The following GRM5 variants were observed in gnomAD, a reference collection of about 807,000 sequenced individuals.
GRM5 encodes glutamate metabotropic receptor 5.
Under a neutral mutation model 83.1 loss-of-function variants are expected in GRM5, and 19 were observed. The ratio of observed to expected loss-of-function variants is 0.23; its 90% CI spans 0.16 to 0.34. The LOEUF (loss-of-function observed/expected upper bound fraction) is 0.34, where lower values mean the gene tolerates loss of function less well. Among genes scored for constraint, GRM5 ranks in the 10% least tolerant of loss-of-function variants. The pLI is 1.00. For synonymous variants in GRM5, 675 were observed against 633.6 expected, an observed-to-expected ratio of 1.07 and a Z score of -0.98; for missense variants, 1,160 against 1,588.3, an observed-to-expected ratio of 0.73 and a Z score of 4.58.
At chr11:88,625,406 T>C (rs1938765171) in intron 4 of GRM5, among the ~76,000 whole-genome samples, 2 of 152,158 alleles carry the variant, frequency 1.3e-5, no homozygotes, top group Non-Finnish European at 2.9e-5. Flanking sequence ...TATCCTGGAA[T>C]CTAGCCAAAT....
intron 3 of GRM5, among the ~76,000 whole-genome samples, chr11:88,840,625 A>G (rs543824981): frequency 5.5e-4 from 83 of 152,288 alleles, no homozygotes; most frequent in Non-Finnish European, 8.4e-4. Flanking sequence ...TTTTTCCATA[A>G]CAACAATTGT....
chr11:89,061,195 T>C (rs1380705753), intron 1 of GRM5, among the ~76,000 whole-genome samples: 1 of 152,174 alleles, frequency 6.6e-6, no homozygotes, highest in East Asian at 1.9e-4. Context: ...CATGTACGTA[T>C]ACATAATACA....
At chr11:88,880,365 T>A (rs1393566652) in intron 2 of GRM5, among the ~76,000 whole-genome samples, 1 of 152,134 alleles carries the variant, frequency 6.6e-6, no homozygotes, top group East Asian at 1.9e-4. Flanking sequence ...GAGTAAAAAC[T>A]GTACATTTTG....
intron 1 of GRM5, among the ~76,000 whole-genome samples, chr11:89,050,715 C>T (rs1371478554): frequency 6.6e-6 from 1 of 152,160 alleles, no homozygotes; most frequent in Non-Finnish European, 1.5e-5. Flanking sequence ...CTTAAATGCC[C>T]ATCAGTGATA....
rs563432513 is a variant in GRM5 at position 88,831,610 on chromosome 11, T to C, written c.911+18296A>G. 1.5e-4 allele frequency among the ~76,000 whole-genome samples: 23 copies of C among 152,264 alleles called. No homozygotes were observed. The South Asian group carries it at 2.7e-3, about 18-fold the overall frequency. ...AACATGTCACTTGGCATCTGGGAGT[T>C]TGGCAATCGCTCTGCCCCATCCACC... On this transcript the variant is annotated intron_variant, in intron 3 of 9. Coordinates refer to ENST00000305447, the MANE Select transcript of GRM5 (RefSeq NM_001143831.3).
chr11:88,755,157 T>G (rs1253575772), intron 3 of GRM5, among the ~76,000 whole-genome samples: 1 of 152,150 alleles, frequency 6.6e-6, no homozygotes, highest in East Asian at 1.9e-4. Context: ...GATGTTTCAA[T>G]AAGGCATTTG....
chr11:88,668,180 T>G (rs571544417), intron 3 of GRM5, among the ~76,000 whole-genome samples: 2 of 150,922 alleles, frequency 1.3e-5, no homozygotes, highest in East Asian at 3.9e-4. Flanking sequence ...CTTAAATCAG[T>G]GGAAGTTTAT....
At chr11:88,795,376 A>G (rs1482841972) in intron 3 of GRM5, among the ~76,000 whole-genome samples, 3 of 152,190 alleles carry the variant, frequency 2.0e-5, no homozygotes, top group Non-Finnish European at 2.9e-5. Flanking sequence ...CCTCAAAGAC[A>G]TCATAAAGGA....
intron 2 of GRM5, among the ~76,000 whole-genome samples, chr11:89,020,332 T>C (rs1470046301): frequency 6.6e-6 from 1 of 152,226 alleles, no homozygotes; most frequent in African/African-American, 2.4e-5. Context: ...ACATCCATTT[T>C]CCACCACAGA....
chr11:88,789,198 G>A (rs774017059), intron 3 of GRM5, among the ~76,000 whole-genome samples: 2 of 152,150 alleles, frequency 1.3e-5, no homozygotes, highest in Non-Finnish European at 2.9e-5. Context: ...ATAATTGTTA[G>A]AGTTCCTTTT....
At chr11:88,613,658 A>G (rs1307417454) in intron 4 of GRM5, among the ~76,000 whole-genome samples, 1 of 152,116 alleles carries the variant, frequency 6.6e-6, no homozygotes, top group African/African-American at 2.4e-5. Context: ...ATGCCTTTTA[A>G]GTGGGGACAT....
At chr11:88,797,059 T>A (rs1049003431) in intron 3 of GRM5, among the ~76,000 whole-genome samples, 1 of 152,186 alleles carries the variant, frequency 6.6e-6, no homozygotes, top group Non-Finnish European at 1.5e-5. Flanking sequence ...TTTCAGAGAC[T>A]GTACAAACAT....
intron 1 of GRM5, among the ~76,000 whole-genome samples, chr11:89,054,099 A>G (rs1345718141): frequency 2.6e-5 from 4 of 152,196 alleles, no homozygotes; most frequent in African/African-American, 9.6e-5. Context: ...TAAAATTTTA[A>G]CAAGAATAAG....
At chr11:88,574,758 C>G (rs2135183678) in intron 7 of GRM5, among the ~76,000 whole-genome samples, 1 of 152,242 alleles carries the variant, frequency 6.6e-6, no homozygotes, top group South Asian at 2.1e-4. Flanking sequence ...CAGAGTGAGA[C>G]TCCATCTCAA....
chr11:89,062,346 C>A (rs545296734), intron 1 of GRM5, among the ~76,000 whole-genome samples: 18 of 152,292 alleles, frequency 1.2e-4, no homozygotes, highest in African/African-American at 4.1e-4. Flanking sequence ...ACAGAAAACC[C>A]CTGCTTATGT....
intron 3 of GRM5, among the ~76,000 whole-genome samples, chr11:88,839,890 C>G (rs1490264402): frequency 6.8e-6 from 1 of 147,224 alleles, no homozygotes; most frequent in Non-Finnish European, 1.5e-5. Context: ...ATAAAGTAAG[C>G]AAGAGGAAGA....
intron 3 of GRM5, among the ~76,000 whole-genome samples, chr11:88,807,703 C>T (rs974180262): frequency 1.3e-5 from 2 of 151,978 alleles, no homozygotes; most frequent in South Asian, 2.1e-4. Flanking sequence ...ATTCAAATTG[C>T]ATTTAGTGTT....
chr11:88,905,197 G>C (rs969042754), intron 2 of GRM5, among the ~76,000 whole-genome samples: 1 of 152,114 alleles, frequency 6.6e-6, no homozygotes, highest in Non-Finnish European at 1.5e-5. Context: ...GGAAGAATGT[G>C]GAAATTAACA....
At chr11:88,903,968 G>C (rs1437602305) in intron 2 of GRM5, among the ~76,000 whole-genome samples, 1 of 152,194 alleles carries the variant, frequency 6.6e-6, no homozygotes, top group South Asian at 2.1e-4. Flanking sequence ...GAGTGAGATG[G>C]AAGGAATTTC....
Sources: allele counts gnomAD v4.1 joint callset (sites outside exome capture counted in the v4.1 genomes callset), GRCh38; gene constraint gnomAD v4.1.1; transcripts MANE v1.5; gene names NCBI Gene and HGNC (gene_info 2026-07-23, HGNC 2026-07-21).